LCT: variants seen among roughly 807,000 people sequenced by gnomAD.
LCT encodes the protein lactase/phlorizin hydrolase.
In LCT, 90 loss-of-function variants were observed where a neutral mutation model predicts 173.0. That is an observed-to-expected ratio of 0.52 (90% CI 0.44 to 0.62). The LOEUF is 0.62. Among genes scored for constraint, LCT ranks in the 20% least tolerant of loss-of-function variants. LCT has a pLI of 0.00. For missense variants in LCT, 1,864 were observed against 2,431.4 expected (o/e 0.77, Z 4.91); for synonymous variants, 853 against 957.6 (o/e 0.89, Z 2.02).
At position 135,818,011 on chromosome 2, in the gene LCT, T is replaced by C. The variant is rs2077796004; in HGVS notation, c.1037A>G (p.Gln346Arg). ...GSLALQPDQQ[Q>R]DHETTDSSPA... The stretch of plus-strand genomic sequence containing the variant: ...AGAGGAGTCCGTGGTCTCGTGGTCC[T>C]GCTGCTGGTCAGGCTGAAGGGCCAG... Residue 346 changes from glutamine to arginine, a missense_variant, in exon 6 of 17, where the codon CAG becomes CGG. This residue lies in a region of LCT where 412 missense variants were observed against 462.0 expected (regional missense o/e 0.89). Coordinates refer to ENST00000264162, the MANE Select transcript of LCT (RefSeq NM_002299.4). 1 of 1,613,298 alleles carries C rather than the reference T, an allele frequency of 6.2e-7. No individual in the cohort carries two copies. The highest frequency in any genetic ancestry group is 1.3e-5 in the African/African-American group (1 of 74,924).
intron 6 of LCT, 123 bp from the exon 7 acceptor site, chr2:135,813,079 T>TGACATTGTCAATATTGACAACATC: frequency 4.6e-6 from 4 of 868,036 alleles, no homozygotes; most frequent in Non-Finnish European, 7.6e-6. Context: ...ACAACAACAT[T>TGACATTGTCAATATTGACAACATC]GACATTGTCA....
rs1167093850 is a variant in LCT at position 135,836,702 on chromosome 2, T to C, written c.468A>G (p.Thr156=). The C allele has an allele frequency of 6.2e-7, 1 of 1,613,994 alleles. No individual in the cohort carries two copies. The highest frequency in any genetic ancestry group is 1.3e-5 in the African/African-American group (1 of 74,896). Residue 156 remains threonine, a synonymous_variant, in exon 1 of 17, where the codon ACA becomes ACG. Coordinates refer to ENST00000264162, the MANE Select transcript of LCT (RefSeq NM_002299.4). ...AFADLFADYA[T]FAFHSFGDLV... ...GGTCCCCGAAGGAGTGGAAGGCGAA[T>C]GTGGCATAGTCGGCGAAGAGGTCAG...
intron 14 of LCT, among the ~76,000 whole-genome samples, chr2:135,793,701 A>G (rs1045147835): frequency 6.6e-6 from 1 of 152,202 alleles, no homozygotes; most frequent in Admixed American, 6.5e-5. Flanking sequence ...AAAGGTGAAA[A>G]TTAACTTAGA....
At chr2:135,813,076 C>T in intron 6 of LCT, 120 bp from the exon 7 acceptor site, 1 of 873,214 alleles carries the variant, frequency 1.1e-6, no homozygotes, top group Non-Finnish European at 1.9e-6. Flanking sequence ...ACAACAACAA[C>T]ATTGACATTG....
At chr2:135,804,635 GT>G in intron 10 of LCT, 131 bp downstream of exon 10, 1 of 902,290 alleles carries the variant, frequency 1.1e-6, no homozygotes, top group Non-Finnish European at 1.7e-6. Flanking sequence ...GCGAGACTAC[GT>G]CTCAAAAACA....
chr2:135,826,320 G>A (rs1406883400), intron 3 of LCT, among the ~76,000 whole-genome samples: 2 of 151,568 alleles, frequency 1.3e-5, no homozygotes, highest in Non-Finnish European at 2.9e-5. Context: ...TTAGGAGGTC[G>A]AGGGGGGTGG....
At position 135,817,685 on chromosome 2, in the gene LCT, T is replaced by G; in HGVS notation, c.1363A>C (p.Ile455Leu). ...ATGGGGAAGATCCGGGACCAGGAGA[T>G]GGAGAACTTGTACACCTGAGCCCGG... ...GLRAQVYKFSISWSRIFPMGH... is the reference protein window; with the variant it reads ...GLRAQVYKFSLSWSRIFPMGH... The change falls in exon 6 of 17, where the codon ATC becomes CTC. Residue 455 changes from isoleucine (I) to leucine (L), a missense_variant. This residue lies in a region of LCT where 183 missense variants were observed against 293.1 expected (regional missense o/e 0.62). Coordinates refer to ENST00000264162, the MANE Select transcript of LCT (RefSeq NM_002299.4). The G allele has an allele frequency of 6.2e-7, 1 of 1,613,916 alleles. No individual in the cohort carries two copies. Among genetic ancestry groups the G allele is most frequent in the Non-Finnish European group, 8.5e-7 (1 of 1,180,022 alleles).
At chr2:135,803,201 C>A (rs1344793331) in intron 11 of LCT, among the ~76,000 whole-genome samples, 1 of 152,036 alleles carries the variant, frequency 6.6e-6, no homozygotes. Flanking sequence ...CGAATTTTCC[C>A]AACACAAAGA....
chr2:135,821,953 A>G, intron 5 of LCT, 67 bp downstream of exon 5: 1 of 946,988 alleles, frequency 1.1e-6, no homozygotes, highest in East Asian at 2.4e-5. Flanking sequence ...AAGATTATAC[A>G]TGTAAAAGAA....
chr2:135,836,195 T>G (rs914856769), intron 1 of LCT, among the ~76,000 whole-genome samples: 1 of 151,524 alleles, frequency 6.6e-6, no homozygotes, highest in African/African-American at 2.4e-5. Context: ...ATTTTGGTAT[T>G]TTTAGTAGAG....
rs781299390 is a variant in LCT, at chr2:135,836,794, G to A, written c.376C>T (p.Gln126Ter). The change falls in exon 1 of 17, where the codon CAG (glutamine) becomes TAG (stop). Residue 126 changes from glutamine to a stop codon, truncating the protein, a stop_gained. Transcript: ENST00000264162. LOFTEE classifies it high-confidence loss of function. The part of the protein sequence containing the change: ...LLKALKTARL[Q>*]PMVILHHQTL... The stretch of plus-strand genomic sequence containing the variant: ...TGGTGGTGCAGGATGACCATGGGCT[G>A]AAGCCGTGCAGTCTTGAGGGCCTTG... 6.2e-7 allele frequency: 1 copy of A among 1,614,216 alleles called. No individual in the cohort carries two copies. Among genetic ancestry groups the A allele is most frequent in the Non-Finnish European group, 8.5e-7 (1 of 1,180,034 alleles).
At position 135,809,935 on chromosome 2, in the gene LCT, G is replaced by T. The variant is rs775925987; in HGVS notation, c.2412C>A (p.Gly804=). ...GGCTGTAACCAGAAGGGCCTTCGAA[G>T]CCATCAATGAGGGAACGAGCAATGT... The part of the protein sequence containing the change: ...RSYIARSLID[G]FEGPSGYSQR... Residue 804 remains glycine (G), a synonymous_variant, in exon 8 of 17, where the codon GGC becomes GGA. Coordinates refer to ENST00000264162, the MANE Select transcript of LCT (RefSeq NM_002299.4). The surrounding 1 kb of genome is among the most constrained non-coding windows in gnomAD (Gnocchi z 5.5). 1 of 1,614,178 alleles carries T rather than the reference G, an allele frequency of 6.2e-7. No individual in the cohort carries two copies. Among genetic ancestry groups the T allele is most frequent in the Non-Finnish European group, 8.5e-7 (1 of 1,180,020 alleles).
Position 135,804,067 on chromosome 2 carries a change from T to C in LCT, c.4526A>G (p.Glu1509Gly). 1 of 1,614,162 alleles carries C rather than the reference T, an allele frequency of 6.2e-7. No individual in the cohort carries two copies. The highest frequency in any genetic ancestry group is 8.5e-7 in the Non-Finnish European group (1 of 1,180,012). ...CTCCTTAAACCGCTGCACGATGGTC[T>C]CATTCTCCCAGCCTCCTACATCTTG... ...TLQDVGGWEN[E>G]TIVQRFKEYA... is the part of the protein sequence containing the mutation. The change falls in exon 11 of 17, where the codon GAG (glutamate) becomes GGG (glycine). Residue 1509 changes from glutamate (E) to glycine (G), a missense_variant. Physicochemically the swap from Glu to Gly is moderately conservative, Grantham distance 98. Coordinates refer to ENST00000264162, the MANE Select transcript of LCT (RefSeq NM_002299.4).
Position 135,808,665 on chromosome 2 carries a change from C to A in LCT, c.3682G>T (p.Asp1228Tyr). The A allele has an allele frequency of 6.2e-7, 1 of 1,614,170 alleles. No homozygotes were observed. Among genetic ancestry groups the A allele is most frequent in the Non-Finnish European group, 8.5e-7 (1 of 1,180,032 alleles). The change falls in exon 8 of 17, where the codon GAC (aspartate) becomes TAC (tyrosine). Residue 1228 changes from aspartate to tyrosine, a missense_variant. This residue lies in a region of LCT where 755 missense variants were observed against 926.3 expected (regional missense o/e 0.82). Coordinates refer to ENST00000264162, the MANE Select transcript of LCT (RefSeq NM_002299.4). ...TPRLNPPSYE[D>Y]DQEMAEEEDP... ...TCCTCCTCAGCCATCTCCTGGTCGT[C>A]TTCGTAGGAGGGTGGGTTTAGCCTG...
chr2:135,824,992 CAA>C (rs5834449), intron 3 of LCT, among the ~76,000 whole-genome samples: 162 of 110,128 alleles, frequency 1.5e-3, no homozygotes, highest in Middle Eastern at 8.6e-3. Flanking sequence ...GGCTCCATCT[CAA>C]AAAAAAAAAA....
chr2:135,806,100 C>T (rs2077668604), intron 9 of LCT, among the ~76,000 whole-genome samples: 1 of 152,162 alleles, frequency 6.6e-6, no homozygotes, highest in Non-Finnish European at 1.5e-5. Context: ...ATCCTCCTGC[C>T]TCAGCCTCCC....
Position 135,829,616 on chromosome 2 carries a change from G to T in LCT, c.781C>A (p.Arg261=). The change falls in exon 3 of 17, where the codon CGG becomes AGG. Residue 261 remains arginine, a synonymous_variant. Coordinates refer to ENST00000264162, the MANE Select transcript of LCT (RefSeq NM_002299.4). ...ACCTGCAATTTACTCAGCTTCTGCC[G>T]CAGACTTGCCTCATTTTGGCATTCA... is the stretch of plus-strand genomic sequence containing the variant. ...SYECQNEASL[R]QKLSKLQTIE... 1 of 1,613,404 alleles carries T rather than the reference G, an allele frequency of 6.2e-7. No homozygotes were observed. Among genetic ancestry groups the T allele is most frequent in the African/African-American group, 1.3e-5 (1 of 75,000 alleles).
intron 2 of LCT, among the ~76,000 whole-genome samples, chr2:135,830,676 A>C (rs1168654261): frequency 6.6e-6 from 1 of 152,228 alleles, no homozygotes; most frequent in African/African-American, 2.4e-5. Context: ...TAAGTGGTTC[A>C]CTACTGGCTC....
Position 135,822,111 on chromosome 2 carries a change from A to T in LCT, c.908-13T>A. 6.8e-7 allele frequency: 1 copy of T among 1,471,758 alleles called. No individual in the cohort carries two copies. Among genetic ancestry groups the T allele is most frequent in the African/African-American group, 1.4e-5 (1 of 72,272 alleles). The allele number at this position is 1,471,758 out of a possible 1,614,324, so 91.2% of individuals were successfully genotyped here. A position where few individuals can be genotyped will look rare whatever the true frequency, so the allele number is the denominator to read the frequency against. On this transcript the variant is annotated splice_polypyrimidine_tract_variant and intron_variant, in intron 4 of 16. Transcript: ENST00000264162. Reference sequence around the variant, plus strand: ...TCTTTATTTATGGCTGTAAGAGAAGAAATTGAATTAACTCTATGTAAATGC... The same window carrying T: ...TCTTTATTTATGGCTGTAAGAGAAGTAATTGAATTAACTCTATGTAAATGC...
Sources: allele counts gnomAD v4.1 joint callset (sites outside exome capture counted in the v4.1 genomes callset), GRCh38; gene constraint gnomAD v4.1.1; regional missense constraint gnomAD v4.1.1; non-coding constraint Gnocchi (gnomAD v3.1); transcripts MANE v1.5; gene names NCBI Gene and HGNC (gene_info 2026-07-23, HGNC 2026-07-21).